Variants in CHD1L observed in about 807,000 individuals in gnomAD.
The protein encoded by CHD1L is ATP-dependent chromatin remodeler CHD1L.
A neutral mutation model predicts 115.9 loss-of-function variants in CHD1L; 118 were observed. That is an observed-to-expected ratio of 1.02 (90% CI 0.88 to 1.19). CHD1L has a LOEUF of 1.19. Ranked by LOEUF, CHD1L falls within the 50% of genes most tolerant of loss-of-function variation. The pLI is 0.00. For synonymous variants in CHD1L, 411 were observed against 387.1 expected, an observed-to-expected ratio of 1.06 and a Z score of -0.72; for missense variants, 1,179 against 1,065.3, an observed-to-expected ratio of 1.11 and a Z score of -1.49.
chr1:147,246,913 A>G lies in CHD1L; in HGVS notation c.127+4083A>G, dbSNP rs185966148. Among the ~76,000 whole-genome samples, 171 of 152,306 alleles carry G rather than the reference A, an allele frequency of 1.1e-3. 1 individual carries two copies. Among genetic ancestry groups the G allele is most frequent in the African/African-American group, 3.8e-3 (158 of 41,558 alleles). On this transcript the variant is annotated intron_variant, in intron 1 of 22. Coordinates refer to ENST00000369258, the MANE Select transcript of CHD1L (RefSeq NM_004284.6). ...TGTCAAATATAAGAACTCATTGGCT[A>G]TTCCCAGATCCTAAAGAGTTTTTTC...
chr1:147,203,229 C>T, the CHD1L span: 1 of 1,006,354 alleles, frequency 9.9e-7, no homozygotes, highest in African/African-American at 1.6e-5. Context: ...TCTTAGAATA[C>T]TACTACAAAT....
the CHD1L span, chr1:147,178,216 T>G: frequency 1.9e-6 from 3 of 1,613,392 alleles, no homozygotes; most frequent in Non-Finnish European, 2.5e-6. Flanking sequence ...GGACGACAAC[T>G]TGGAGAGTCG....
chr1:147,191,040 T>C, the CHD1L span, among the ~76,000 whole-genome samples: 1 of 152,168 alleles, frequency 6.6e-6, no homozygotes, highest in African/African-American at 2.4e-5. Context: ...TGCATAATAT[T>C]CCATGGTGTA....
chr1:147,284,713 C>T (rs587702641), intron 16 of CHD1L, among the ~76,000 whole-genome samples: 45 of 152,264 alleles, frequency 3.0e-4, no homozygotes, highest in African/African-American at 9.9e-4. Flanking sequence ...ATATATTGTA[C>T]GATGTCATGT....
chr1:147,290,229 G>T (rs1264233334), intron 19 of CHD1L, among the ~76,000 whole-genome samples: 3 of 151,424 alleles, frequency 2.0e-5, no homozygotes, highest in Admixed American at 2.0e-4. Flanking sequence ...TACCACAGGC[G>T]CACACCACCA....
At chr1:147,244,222 C>T (rs1571541983) in intron 1 of CHD1L, among the ~76,000 whole-genome samples, 2 of 152,176 alleles carry the variant, frequency 1.3e-5, no homozygotes, top group Admixed American at 6.5e-5. Context: ...CCAGGAGAAA[C>T]GTACATATGG....
intron 3 of CHD1L, 111 bp downstream of exon 3, chr1:147,255,087 T>C (rs1322416245): frequency 1.3e-5 from 10 of 754,400 alleles, no homozygotes; most frequent in African/African-American, 7.1e-5. Context: ...AGTAAGTTTA[T>C]TCCAGAAAAC....
Position 147,254,570 on chromosome 1 carries a change from C to A in CHD1L, c.241-300C>A, listed in dbSNP as rs587700314. On this transcript the variant is annotated intron_variant, in intron 2 of 22. Coordinates refer to ENST00000369258, the MANE Select transcript of CHD1L (RefSeq NM_004284.6). ...CCATCAGTTGGATTTTCATTGATTT[C>A]TATTGTCTTTCCTGACTTTTTCTTT... Among the ~76,000 whole-genome samples, 4 of 152,148 alleles carry A rather than the reference C, an allele frequency of 2.6e-5. No individual in the cohort carries two copies. The East Asian group carries it at 7.7e-4, about 29-fold the overall frequency.
chr1:147,198,166 G>A, the CHD1L span, among the ~76,000 whole-genome samples: 1 of 152,142 alleles, frequency 6.6e-6, no homozygotes, highest in African/African-American at 2.4e-5. Context: ...CTGGAAATTG[G>A]CTAAGGTAGC....
the CHD1L span, among the ~76,000 whole-genome samples, chr1:147,206,725 G>C: frequency 6.6e-6 from 1 of 152,178 alleles, no homozygotes; most frequent in Non-Finnish European, 1.5e-5. Flanking sequence ...AGAACACTTG[G>C]ACACAGGAAG....
the CHD1L span, among the ~76,000 whole-genome samples, chr1:147,223,063 T>C: frequency 6.6e-6 from 1 of 152,242 alleles, no homozygotes; most frequent in East Asian, 1.9e-4. Flanking sequence ...AAGTGGATAC[T>C]ATTATTATCC....
At chr1:147,259,776 T>G (rs1349585953) in intron 5 of CHD1L, 61 bp from the exon 6 acceptor site, 2 of 1,420,222 alleles carry the variant, frequency 1.4e-6, no homozygotes, top group Non-Finnish European at 2.0e-6. Context: ...TAGTAAGACT[T>G]TTGATTGTGA....
chr1:147,203,896 G>A, the CHD1L span: 1 of 1,576,248 alleles, frequency 6.3e-7, no homozygotes. Flanking sequence ...CACTGTCTCA[G>A]TGTCCCATTT....
chr1:147,257,292 A>C (rs1195607479), intron 5 of CHD1L, among the ~76,000 whole-genome samples: 1 of 152,168 alleles, frequency 6.6e-6, no homozygotes, highest in Non-Finnish European at 1.5e-5. Flanking sequence ...TCAATATTTT[A>C]AATGTTATTT....
the CHD1L span, chr1:147,184,530 T>C: frequency 6.5e-7 from 1 of 1,548,502 alleles, no homozygotes; most frequent in African/African-American, 1.4e-5. This position sits in a 1 kb window ranked among gnomAD's most constrained non-coding sequence, Gnocchi z 4.4. Context: ...GGACAATTTC[T>C]CAGACTTTCT....
At chr1:147,251,794 G>A (rs1304776641) in intron 1 of CHD1L, among the ~76,000 whole-genome samples, 5 of 152,162 alleles carry the variant, frequency 3.3e-5, no homozygotes, top group Admixed American at 6.5e-5. Flanking sequence ...GCCTCCCAAA[G>A]TGCTGGGATT....
chr1:147,206,055 C>T, the CHD1L span, among the ~76,000 whole-genome samples: 1 of 150,748 alleles, frequency 6.6e-6, no homozygotes, highest in Non-Finnish European at 1.5e-5. Flanking sequence ...ACAAAGAACT[C>T]ATACAAATTT....
At chr1:147,286,181 A>G in intron 17 of CHD1L, 117 bp from the exon 18 acceptor site, 1 of 952,266 alleles carries the variant, frequency 1.1e-6, no homozygotes, top group East Asian at 2.6e-5. Context: ...AATCAGGGTG[A>G]GTTTCTAATT....
the CHD1L span, among the ~76,000 whole-genome samples, chr1:147,180,972 G>T: frequency 6.6e-6 from 1 of 152,166 alleles, no homozygotes; most frequent in Non-Finnish European, 1.5e-5. Context: ...TGAGAAACGC[G>T]GCCTAGACAA....
Sources: gnomAD v4.1 joint callset for allele counts (sites outside exome capture counted in the v4.1 genomes callset) on GRCh38, gnomAD v4.1.1 for gene constraint, Gnocchi (gnomAD v3.1) non-coding constraint, MANE v1.5 for transcripts, NCBI Gene and HGNC (gene_info 2026-07-23, HGNC 2026-07-21) for gene names.